Variants in PEAR1 observed in about 807,000 individuals in gnomAD.
PEAR1 encodes platelet endothelial aggregation receptor 1.
Under a neutral mutation model 131.2 loss-of-function variants are expected in PEAR1, and 113 were observed. The ratio of observed to expected loss-of-function variants is 0.86; its 90% confidence interval spans 0.74 to 1.01. The LOEUF is 1.01. Ranked by LOEUF, PEAR1 falls within the 50% of genes least tolerant of loss-of-function variation. The pLI, the probability that PEAR1 is intolerant of heterozygous loss-of-function variation, is 0.00. For synonymous variants in PEAR1, 565 were observed against 523.3 expected (o/e 1.08, Z -1.09); for missense variants, 1,408 against 1,391.1 (o/e 1.01, Z -0.19).
intron 15 of PEAR1, among the ~76,000 whole-genome samples, chr1:156,911,101 T>TC (rs1558144038): frequency 2.1e-4 from 28 of 135,270 alleles, no homozygotes; most frequent in Non-Finnish European, 1.8e-4. Context: ...TTCCTTTCTT[T>TC]CTTTCTTTTC....
At position 156,910,033 on chromosome 1, in the gene PEAR1, A is replaced by G; in HGVS notation, c.1603A>G (p.Ser535Gly). ...PKGQFGEGCA[S>G]RCDCDHSDGC... is the part of the protein sequence containing the mutation. The stretch of plus-strand genomic sequence containing the variant: ...GGGGCAGTTTGGAGAAGGTTGTGCC[A>G]GTCGCTGTGACTGTGACCACTCTGA... Residue 535 changes from serine (S) to glycine (G), a missense_variant, in exon 13 of 23, where the codon AGT (serine) becomes GGT (glycine). Physicochemically the swap from Ser to Gly is moderately conservative, Grantham distance 56. Coordinates refer to ENST00000292357, the MANE Select transcript of PEAR1 (RefSeq NM_001080471.3). The G allele has an allele frequency of 3.1e-6, 5 of 1,613,994 alleles. No homozygotes were observed. The highest frequency in any genetic ancestry group is 4.2e-6 in the Non-Finnish European group (5 of 1,180,030).
At chr1:156,910,867 C>T (rs977516173) in intron 15 of PEAR1, 124 bp downstream of exon 15, 4 of 1,353,876 alleles carry the variant, frequency 3.0e-6, no homozygotes, top group African/African-American at 2.9e-5. Context: ...TAAATATTTA[C>T]TGGGCACCAC....
intron 1 of PEAR1, among the ~76,000 whole-genome samples, chr1:156,899,596 G>A (rs1036516973): frequency 4.6e-5 from 7 of 152,226 alleles, no homozygotes; most frequent in East Asian, 1.9e-4. Context: ...AGGGGAGGGC[G>A]GATGGGGGCC....
chr1:156,907,999 T>C lies in PEAR1; in HGVS notation c.850T>C (p.Cys284Arg), dbSNP rs1476692335. 1.0e-5 allele frequency: 16 copies of C among 1,573,044 alleles called. No homozygotes were observed. The highest frequency in any genetic ancestry group is 1.3e-5 in the Non-Finnish European group (15 of 1,158,666). Reference sequence around the variant, plus strand: ...ATGTCGCTGCCACAACGGCGGCCTCTGTGACCGATTCACTGGGCAGTGCCG... The same window carrying C: ...ATGTCGCTGCCACAACGGCGGCCTCCGTGACCGATTCACTGGGCAGTGCCG... ...QECRCHNGGL[C>R]DRFTGQCRCA... The change falls in exon 8 of 23, where the codon TGT (cysteine) becomes CGT (arginine). Residue 284 changes from cysteine (C) to arginine (R), a missense_variant. Coordinates refer to ENST00000292357, the MANE Select transcript of PEAR1 (RefSeq NM_001080471.3).
In PEAR1 at chr1:156,908,847, G is replaced by T. The variant is rs1650695444; in HGVS notation, c.1290+18G>T. The T allele has an allele frequency of 8.7e-6, 14 of 1,605,850 alleles. No homozygotes were observed. Among genetic ancestry groups the T allele is most frequent in the Non-Finnish European group, 1.1e-5 (13 of 1,177,990 alleles). On this transcript the variant is annotated intron_variant, in intron 10 of 22. Transcript: ENST00000292357. The surrounding 1 kb of genome is among the most constrained non-coding windows in gnomAD (Gnocchi z 4.2). ...GTTACACGGTGAGGCGCGCCCGGCT[G>T]CAAGGAAGCGAGGCAGGTGGAGAGG...
chr1:156,904,047 A>T lies in PEAR1; in HGVS notation c.101+20A>T, dbSNP rs1050096137. 1.9e-6 allele frequency: 3 copies of T among 1,598,374 alleles called. No individual in the cohort carries two copies. Among genetic ancestry groups the T allele is most frequent in the Non-Finnish European group, 2.6e-6 (3 of 1,166,036 alleles). The stretch of plus-strand genomic sequence containing the variant: ...GGAAAGGTGAGAGGGCCCCTGCTGC[A>T]CCTTGAGGGCACCAAGCCCTAGCTC... On this transcript the variant is annotated intron_variant, in intron 2 of 22. Transcript: ENST00000292357.
At chr1:156,913,121 T>A in intron 18 of PEAR1, 73 bp from the exon 19 acceptor site, 3 of 1,564,308 alleles carry the variant, frequency 1.9e-6, no homozygotes, top group Non-Finnish European at 2.6e-6. Context: ...AGTACTGATC[T>A]CCGGGGACAA....
chr1:156,912,974 T>G lies in PEAR1; in HGVS notation c.2414T>G (p.Val805Gly). 3 of 1,614,054 alleles carry G rather than the reference T, an allele frequency of 1.9e-6. No individual in the cohort carries two copies. Among genetic ancestry groups the G allele is most frequent in the Non-Finnish European group, 2.5e-6 (3 of 1,180,010 alleles). ...GGGCGCCTGGACGGCTCCGAGTATG[T>G]CATGCCAGGTGAGCTGGCACAGGGC... is the stretch of plus-strand genomic sequence containing the variant. The part of the protein sequence containing the change: ...SSGRLDGSEY[V>G]MPDVPPSYSH... The change falls in exon 18 of 23, where the codon GTC becomes GGC. Residue 805 changes from valine (V) to glycine (G), a missense_variant. Transcript: ENST00000292357.
At chr1:156,899,609 A>C (rs1386752167) in intron 1 of PEAR1, among the ~76,000 whole-genome samples, 2 of 152,314 alleles carry the variant, frequency 1.3e-5, no homozygotes, top group East Asian at 1.9e-4. Context: ...TGGGGGCCAC[A>C]TTGGGTGCAA....
rs1409738237 is a variant in PEAR1, at chr1:156,916,270, C to T, written c.*1472C>T. On this transcript the variant is annotated 3_prime_UTR_variant, in exon 23 of 23. Coordinates refer to ENST00000292357, the MANE Select transcript of PEAR1 (RefSeq NM_001080471.3). ...AATAGCATGTGCCCATTTTGGGTCT[C>T]TACATTGCATTTTGGTAATTGCTTG... is the stretch of plus-strand genomic sequence containing the variant. 6.6e-6 allele frequency: 1 copy of T among 152,158 alleles called. No homozygotes were observed. The highest frequency in any genetic ancestry group is 1.5e-5 in the Non-Finnish European group (1 of 68,036). 9.4% of individuals were successfully genotyped at this position (152,158 alleles called of 1,614,324 possible).
In PEAR1 at chr1:156,893,727, C is replaced by T. The variant is rs1648874864; in HGVS notation, c.-120C>T. Reference sequence around the variant, plus strand: ...CCTCCCCGCCGCTCCCGCAGTCAGGCTGGGGCTCGAAGTGGGGACCCTCGC... The same window carrying T: ...CCTCCCCGCCGCTCCCGCAGTCAGGTTGGGGCTCGAAGTGGGGACCCTCGC... On this transcript the variant is annotated 5_prime_UTR_variant, in exon 1 of 23. Transcript: ENST00000292357. 1 of 152,116 alleles carries T rather than the reference C, an allele frequency of 6.6e-6. No homozygotes were observed. The highest frequency in any genetic ancestry group is 1.5e-5 in the Non-Finnish European group (1 of 68,066). The allele number at this position is 152,116 out of a possible 1,614,324, so 9.4% of individuals were successfully genotyped here. A position where few individuals can be genotyped will look rare whatever the true frequency, so the allele number is the denominator to read the frequency against.
chr1:156,909,967 C>T (rs1448800239), intron 12 of PEAR1, 39 bp from the exon 13 acceptor site: 2 of 1,612,564 alleles, frequency 1.2e-6, no homozygotes, highest in Admixed American at 3.3e-5. Flanking sequence ...TGGCGTCCCC[C>T]AGCTGACTGG....
In PEAR1 at chr1:156,912,615, C is replaced by A. The variant is rs778727220; in HGVS notation, c.2202C>A (p.Cys734Ter). 13 of 1,613,324 alleles carry A rather than the reference C, an allele frequency of 8.1e-6. No homozygotes were observed. The highest frequency in any genetic ancestry group is 1.1e-5 in the Non-Finnish European group (13 of 1,179,666). Residue 734 changes from cysteine to a stop codon, truncating the protein, a stop_gained, in exon 17 of 23, where the codon TGC becomes TGA. Coordinates refer to ENST00000292357, the MANE Select transcript of PEAR1 (RefSeq NM_001080471.3). LOFTEE classifies it high-confidence loss of function. The part of the protein sequence containing the change: ...VCPPGHSGAP[C>*]RIGIQEPFTV... The stretch of plus-strand genomic sequence containing the variant: ...CCCCAGGGCACAGTGGTGCACCTTG[C>A]AGGATTGGTGAGTTCTTTGCCCTCT...
chr1:156,904,426 G>A (rs539085102), intron 2 of PEAR1, among the ~76,000 whole-genome samples: 4 of 152,248 alleles, frequency 2.6e-5, no homozygotes, highest in East Asian at 3.9e-4. Context: ...GCCCATCGCC[G>A]CCAGCTGGGC....
chr1:156,899,732 A>T (rs906710191), intron 1 of PEAR1, among the ~76,000 whole-genome samples: 5 of 151,028 alleles, frequency 3.3e-5, no homozygotes, highest in African/African-American at 1.2e-4. Context: ...CTGCACAGCG[A>T]CCCTACAAAG....
chr1:156,902,786 C>A lies in PEAR1; in HGVS notation c.-9-1132C>A, dbSNP rs1033751275. The stretch of plus-strand genomic sequence containing the variant: ...GGAATGCAGACCCTGAAGCCGGCTG[C>A]GGGGATGGGCACTGCGGTAACTCAT... On this transcript the variant is annotated intron_variant, in intron 1 of 22. Transcript: ENST00000292357. This position sits in a 1 kb window ranked among gnomAD's most constrained non-coding sequence, Gnocchi z 4.3. Among the ~76,000 whole-genome samples, 9 of 152,126 alleles carry A rather than the reference C, an allele frequency of 5.9e-5. No individual in the cohort carries two copies. Among genetic ancestry groups the A allele is most frequent in the African/African-American group, 1.9e-4 (8 of 41,412 alleles).
rs1650050189 is a variant in PEAR1, at chr1:156,904,803, G to A, written c.157G>A (p.Glu53Lys). ...HSRPFSLLPS[E>K]PCERPWEGPH... Reference sequence around the variant, plus strand: ...CCGCCCCTTCAGCCTGCTCCCCTCAGAGCCCTGCGAGCGGCCCTGGGAGGG... The same window carrying A: ...CCGCCCCTTCAGCCTGCTCCCCTCAAAGCCCTGCGAGCGGCCCTGGGAGGG... Residue 53 changes from glutamate to lysine, a missense_variant, in exon 3 of 23, where the codon GAG becomes AAG. Transcript: ENST00000292357. 14 of 1,613,850 alleles carry A rather than the reference G, an allele frequency of 8.7e-6. No homozygotes were observed. The East Asian group carries it at 3.1e-4, about 36-fold the overall frequency.
chr1:156,906,842 T>G lies in PEAR1; in HGVS notation c.606T>G (p.Thr202=). Residue 202 remains threonine, a synonymous_variant, in exon 6 of 23, where the codon ACT becomes ACG. Coordinates refer to ENST00000292357, the MANE Select transcript of PEAR1 (RefSeq NM_001080471.3). ...ATGGGGCACCCTGCGATCCCCAGACTGGAGCCTGCTTCTGCCCCGCAGAGA... is the reference window on the plus strand; with the variant it reads ...ATGGGGCACCCTGCGATCCCCAGACGGGAGCCTGCTTCTGCCCCGCAGAGA... ...QCHGAPCDPQ[T]GACFCPAERT... The G allele has an allele frequency of 6.2e-7, 1 of 1,614,150 alleles. No individual in the cohort carries two copies. Among genetic ancestry groups the G allele is most frequent in the Non-Finnish European group, 8.5e-7 (1 of 1,180,022 alleles).
Position 156,903,925 on chromosome 1 carries a change from C to T in PEAR1, c.-2C>T. On this transcript the variant is annotated 5_prime_UTR_variant, in exon 2 of 23. Coordinates refer to ENST00000292357, the MANE Select transcript of PEAR1 (RefSeq NM_001080471.3). ...GCGCCGGTCTTGCTGCAGGCCTCTG[C>T]AATGTCACCGCCTCTGTGTCCCCTC... 6.2e-7 allele frequency: 1 copy of T among 1,613,746 alleles called. No homozygotes were observed. Among genetic ancestry groups the T allele is most frequent in the South Asian group, 1.1e-5 (1 of 91,078 alleles).
Sources: gnomAD v4.1 joint callset for allele counts (sites outside exome capture counted in the v4.1 genomes callset) on GRCh38, gnomAD v4.1.1 for gene constraint, Gnocchi (gnomAD v3.1) non-coding constraint, MANE v1.5 for transcripts, NCBI Gene and HGNC (gene_info 2026-07-23, HGNC 2026-07-21) for gene names.